Variants in SPACA7 observed in about 807,000 individuals in gnomAD.
SPACA7 encodes sperm acrosome-associated protein 7.
SPACA7 carries 19 observed loss-of-function variants against 26.3 expected under a neutral mutation model. The ratio of observed to expected loss-of-function variants is 0.72; its 90% CI spans 0.50 to 1.06. The LOEUF (loss-of-function observed/expected upper bound fraction) is 1.06, where lower values mean the gene tolerates loss of function less well. Among genes scored for constraint, SPACA7 ranks in the 50% least tolerant of loss-of-function variants. SPACA7 has a pLI of 0.00. For missense variants in SPACA7, 211 were observed against 229.9 expected (o/e 0.92, Z 0.53); for synonymous variants, 84 against 84.5 (o/e 0.99, Z 0.04).
chr13:112,417,115 G>A (rs1886744315), intron 5 of SPACA7, among the ~76,000 whole-genome samples: 1 of 151,478 alleles, frequency 6.6e-6, no homozygotes, highest in Non-Finnish European at 1.5e-5. Flanking sequence ...GATACATCTT[G>A]GTATTAGTTT....
chr13:112,382,209 A>G, intron 1 of SPACA7: 1 of 477,828 alleles, frequency 2.1e-6, no homozygotes, highest in Admixed American at 3.9e-5. Flanking sequence ...ACGTGGTTTC[A>G]ATCTCTCCCT....
At chr13:112,383,045 A>AGAGAGAGAGAGAGAGAGAAAGG (rs781245231) in intron 1 of SPACA7, among the ~76,000 whole-genome samples, 33,311 of 134,826 alleles carry the variant, frequency 0.25, 5,910 homozygotes, top group Non-Finnish European at 0.33. Flanking sequence ...AGAGAGAAAG[A>AGAGAGAGAGAGAGAGAGAAAGG]CAGAAGGAAA....
intron 5 of SPACA7, among the ~76,000 whole-genome samples, chr13:112,412,616 T>C (rs189736034): frequency 2.0e-5 from 3 of 151,256 alleles, no homozygotes; most frequent in Admixed American, 1.3e-4. Context: ...TAACCCATTT[T>C]GAGTTGATTT....
chr13:112,401,165 G>T lies in SPACA7; in HGVS notation c.445+1G>T. 1 of 1,611,984 alleles carries T rather than the reference G, an allele frequency of 6.2e-7. No homozygotes were observed. The highest frequency in any genetic ancestry group is 1.3e-5 in the African/African-American group (1 of 74,976). ...AGTGAGAAGAGTGTTTCCAGTAAAG[G>T]TAAATGTGCCCTGCCCACACTGAGA... On this transcript the variant is annotated splice_donor_variant, in intron 5 of 6. Transcript: ENST00000283550. LOFTEE classifies it high-confidence loss of function.
chr13:112,404,475 A>G (rs1443763571), intron 5 of SPACA7, among the ~76,000 whole-genome samples: 1 of 152,296 alleles, frequency 6.6e-6, no homozygotes, highest in East Asian at 1.9e-4. Context: ...GTTCTTGCTC[A>G]TGAAGTCTTT....
intron 5 of SPACA7, among the ~76,000 whole-genome samples, chr13:112,425,295 T>C (rs1056056066): frequency 2.0e-5 from 3 of 152,156 alleles, no homozygotes; most frequent in African/African-American, 7.2e-5. Context: ...GGAAAACCAT[T>C]TCTCCATGTT....
rs185401349 is a variant in SPACA7 at position 112,424,784 on chromosome 13, G to A, written c.446-7660G>A. ...AGGAACACAAGAGGCAGGGCCGGTGGCATGGTCTCCTGGGCTGAGAGCTGT... is the reference window on the plus strand; with the variant it reads ...AGGAACACAAGAGGCAGGGCCGGTGACATGGTCTCCTGGGCTGAGAGCTGT... On this transcript the variant is annotated intron_variant, in intron 5 of 6. Coordinates refer to ENST00000283550, the MANE Select transcript of SPACA7 (RefSeq NM_145248.5). Among the ~76,000 whole-genome samples, 138 of 152,228 alleles carry A rather than the reference G, an allele frequency of 9.1e-4. 1 individual carries two copies. Among genetic ancestry groups the A allele is most frequent in the Non-Finnish European group, 1.2e-3 (85 of 68,020 alleles).
rs1338805353 is a variant in SPACA7, at chr13:112,434,492, T to C, written c.531T>C (p.Ile177=). ...LQNIGRSSGN[I]FHKEQQRTSA... ...TCTCCTCTTTCCACACAGGAAACAT[T>C]TTCCATAAAGAGCAGCAGAGGACCA... The change falls in exon 7 of 7, where the codon ATT becomes ATC. Residue 177 remains isoleucine (I), a synonymous_variant. Coordinates refer to ENST00000283550, the MANE Select transcript of SPACA7 (RefSeq NM_145248.5). 7.5e-6 allele frequency: 12 copies of C among 1,609,612 alleles called. No individual in the cohort carries two copies. Among genetic ancestry groups the C allele is most frequent in the Non-Finnish European group, 9.3e-6 (11 of 1,178,090 alleles).
chr13:112,377,585 G>C (rs1883775382), intron 1 of SPACA7, among the ~76,000 whole-genome samples: 1 of 152,130 alleles, frequency 6.6e-6, no homozygotes, highest in Admixed American at 6.5e-5. Flanking sequence ...AGGGTGACCA[G>C]GCCAAGACTA....
chr13:112,377,728 G>A (rs868215669), intron 1 of SPACA7, among the ~76,000 whole-genome samples: 2 of 152,308 alleles, frequency 1.3e-5, no homozygotes, highest in African/African-American at 4.8e-5. Flanking sequence ...GTCAAGGAGC[G>A]AGGCTTTCTC....
chr13:112,382,116 A>G (rs1234310470), intron 1 of SPACA7, among the ~76,000 whole-genome samples: 1 of 152,238 alleles, frequency 6.6e-6, no homozygotes, highest in African/African-American at 2.4e-5. Flanking sequence ...GCCCAGGAGT[A>G]AACAAGGACA....
At chr13:112,429,306 G>T (rs1017052049) in intron 5 of SPACA7, among the ~76,000 whole-genome samples, 8 of 151,712 alleles carry the variant, frequency 5.3e-5, no homozygotes, top group Admixed American at 5.3e-4. Flanking sequence ...AGCCCAGGAG[G>T]TCATGACTGC....
chr13:112,425,527 TA>T (rs775534604), intron 5 of SPACA7, among the ~76,000 whole-genome samples: 12 of 152,190 alleles, frequency 7.9e-5, no homozygotes, highest in Admixed American at 2.0e-4. Flanking sequence ...AAAGTCCATT[TA>T]TTCGATTGGC....
intron 5 of SPACA7, among the ~76,000 whole-genome samples, chr13:112,416,803 G>GTT (rs1183683628): frequency 2.9e-5 from 3 of 104,466 alleles, no homozygotes; most frequent in Admixed American, 9.1e-5. Context: ...ATGATTATGA[G>GTT]TTGTGTGTGT....
Position 112,382,440 on chromosome 13 carries a change from A to G in SPACA7, c.94+5961A>G, listed in dbSNP as rs763203209. 1.8e-5 allele frequency: 28 copies of G among 1,549,798 alleles called. No individual in the cohort carries two copies. In the Admixed American group the frequency reaches 3.7e-4, roughly 21 times the overall value. On this transcript the variant is annotated intron_variant, in intron 1 of 6. Transcript: ENST00000283550. ...CAGGTGCAGGCTGTGAAGATGGGAA[A>G]AGGCTGTCAATGCTCTGGCTTCTTC...
At chr13:112,426,050 AT>A (rs1876507114) in intron 5 of SPACA7, among the ~76,000 whole-genome samples, 1 of 152,250 alleles carries the variant, frequency 6.6e-6, no homozygotes, top group Non-Finnish European at 1.5e-5. Context: ...AATGTATAGC[AT>A]TAAATGCTTG....
In SPACA7 at chr13:112,376,490, A is replaced by C; in HGVS notation, c.94+11A>C. On this transcript the variant is annotated intron_variant, in intron 1 of 6. Transcript: ENST00000283550. Reference sequence around the variant, plus strand: ...GAACCGTGATTCCAGGTAGGGCCCCACAGGGATGTCTCAGCAGAAAGAGAA... The same window carrying C: ...GAACCGTGATTCCAGGTAGGGCCCCCCAGGGATGTCTCAGCAGAAAGAGAA... 6.2e-7 allele frequency: 1 copy of C among 1,610,158 alleles called. No individual in the cohort carries two copies. Among genetic ancestry groups the C allele is most frequent in the Non-Finnish European group, 8.5e-7 (1 of 1,178,234 alleles).
At chr13:112,416,617 G>A (rs983655908) in intron 5 of SPACA7, among the ~76,000 whole-genome samples, 3 of 152,128 alleles carry the variant, frequency 2.0e-5, no homozygotes, top group Non-Finnish European at 2.9e-5. Flanking sequence ...TGGTGTACTT[G>A]AACTATCAAT....
intron 5 of SPACA7, among the ~76,000 whole-genome samples, chr13:112,407,739 CA>C (rs1012015127): frequency 7.2e-5 from 11 of 152,074 alleles, no homozygotes; most frequent in Non-Finnish European, 1.6e-4. Flanking sequence ...GCCTACCAAA[CA>C]AAAAAAGTCC....
Sources: allele counts gnomAD v4.1 joint callset (sites outside exome capture counted in the v4.1 genomes callset), GRCh38; gene constraint gnomAD v4.1.1; transcripts MANE v1.5; gene names NCBI Gene and HGNC (gene_info 2026-07-23, HGNC 2026-07-21).